Variants in PARD3 observed in about 807,000 individuals in gnomAD.
PARD3 encodes par-3 family cell polarity regulator, also known as partitioning defective 3 homolog.
Under a neutral mutation model 155.4 loss-of-function variants are expected in PARD3, and 75 were observed. That is an observed-to-expected ratio of 0.48 (90% CI 0.40 to 0.58). The LOEUF (loss-of-function observed/expected upper bound fraction) is 0.58. Ranked by LOEUF, PARD3 falls within the 20% of genes least tolerant of loss-of-function variation. The pLI is 0.00. For missense variants in PARD3, 1,642 were observed against 1,721.7 expected (o/e 0.95, Z 0.82); for synonymous variants, 576 against 610.5 (o/e 0.94, Z 0.83).
intron 22 of PARD3, among the ~76,000 whole-genome samples, chr10:34,186,595 C>T (rs1564465327): frequency 6.6e-6 from 1 of 152,118 alleles, no homozygotes; most frequent in Non-Finnish European, 1.5e-5. Flanking sequence ...CTCTGATGAG[C>T]CCAGAGTAAG....
At chr10:34,606,466 T>C (rs2090447328) in intron 2 of PARD3, among the ~76,000 whole-genome samples, 1 of 151,798 alleles carries the variant, frequency 6.6e-6, no homozygotes, top group East Asian at 1.9e-4. Flanking sequence ...TGGTTGGTTT[T>C]TTCTGGGACT....
chr10:34,531,116 G>C (rs1001865467), intron 2 of PARD3, among the ~76,000 whole-genome samples: 4 of 152,314 alleles, frequency 2.6e-5, no homozygotes, highest in Non-Finnish European at 5.9e-5. Context: ...GATGAGGGCA[G>C]TCCTGACTGC....
rs552100917 is a variant in PARD3, at chr10:34,543,857, A to G, written c.223-26698T>C. On this transcript the variant is annotated intron_variant, in intron 2 of 24. Transcript: ENST00000374788. ...AAGCTGAAATTTTATCAGAAGGCCA[A>G]TTAATAGTCAATGTAATAGCTTTGT... is the stretch of plus-strand genomic sequence containing the variant. Among the ~76,000 whole-genome samples, 108 of 152,318 alleles carry G rather than the reference A, an allele frequency of 7.1e-4. 5 individuals carry two copies. The South Asian group carries it at 0.022, about 32-fold the overall frequency.
intron 20 of PARD3, among the ~76,000 whole-genome samples, chr10:34,306,831 T>A (rs945638841): frequency 1.3e-5 from 2 of 152,176 alleles, no homozygotes; most frequent in East Asian, 1.9e-4. Flanking sequence ...TTGTCATAAA[T>A]TGCAAAATTA....
At chr10:34,701,885 G>T (rs1051251871) in intron 1 of PARD3, among the ~76,000 whole-genome samples, 3 of 152,102 alleles carry the variant, frequency 2.0e-5, no homozygotes, top group Admixed American at 6.5e-5. Flanking sequence ...AATTTTGGCT[G>T]GGTGTGGTGG....
chr10:34,222,640 G>A (rs369214470), intron 22 of PARD3, among the ~76,000 whole-genome samples: 7 of 152,300 alleles, frequency 4.6e-5, no homozygotes, highest in South Asian at 2.1e-4. Context: ...GTCTGTGAGC[G>A]TCCCCAAGGT....
chr10:34,765,148 C>T (rs936073443), intron 1 of PARD3, among the ~76,000 whole-genome samples: 12 of 152,122 alleles, frequency 7.9e-5, no homozygotes, highest in Non-Finnish European at 1.5e-4. Context: ...TCAAATTCAA[C>T]GCACTGATTT....
chr10:34,320,266 A>G (rs1958293823), intron 19 of PARD3, among the ~76,000 whole-genome samples: 1 of 152,220 alleles, frequency 6.6e-6, no homozygotes, highest in African/African-American at 2.4e-5. Context: ...CCACAATCTG[A>G]CTACAGTAAC....
intron 22 of PARD3, among the ~76,000 whole-genome samples, chr10:34,145,635 G>A (rs1037408430): frequency 6.6e-6 from 1 of 151,816 alleles, no homozygotes; most frequent in Non-Finnish European, 1.5e-5. Context: ...CCTTTCAATA[G>A]CCTCCTGTTC....
At chr10:34,167,043 G>A (rs1452088322) in intron 22 of PARD3, among the ~76,000 whole-genome samples, 1 of 152,176 alleles carries the variant, frequency 6.6e-6, no homozygotes, top group Non-Finnish European at 1.5e-5. Context: ...TAAACCTGCT[G>A]TACCACTAAA....
At chr10:34,518,864 AG>A (rs1187364486) in intron 2 of PARD3, among the ~76,000 whole-genome samples, 49 of 152,336 alleles carry the variant, frequency 3.2e-4, no homozygotes, top group Non-Finnish European at 1.3e-4. Flanking sequence ...TTGACTAAAA[AG>A]CAAAACAGTA....
intron 22 of PARD3, among the ~76,000 whole-genome samples, chr10:34,243,845 G>C (rs1327872235): frequency 6.6e-6 from 1 of 152,098 alleles, no homozygotes. Flanking sequence ...CATCAAATTT[G>C]ACCTGCGCCA....
At chr10:34,114,817 G>A (rs1946577125) in intron 24 of PARD3, among the ~76,000 whole-genome samples, 1 of 152,216 alleles carries the variant, frequency 6.6e-6, no homozygotes, top group Non-Finnish European at 1.5e-5. Context: ...TGTCCTGTGA[G>A]CCCTTGGCTA....
At chr10:34,725,212 G>GC (rs1366534496) in intron 1 of PARD3, among the ~76,000 whole-genome samples, 4 of 151,752 alleles carry the variant, frequency 2.6e-5, no homozygotes, top group Non-Finnish European at 4.4e-5. Flanking sequence ...GAGTGCAGTG[G>GC]CGTGATCTCA....
At chr10:34,227,852 TTTTTTATATATATATATATA>T (rs71033305) in intron 22 of PARD3, among the ~76,000 whole-genome samples, 4,132 of 31,392 alleles carry the variant, frequency 0.13, 213 homozygotes, top group Non-Finnish European at 0.18. Flanking sequence ...ATGGGAATTA[TTTTTTATATATATATATATA>T]TATATATATA....
chr10:34,491,107 T>C (rs75053669), intron 3 of PARD3, among the ~76,000 whole-genome samples: 1,771 of 152,294 alleles, frequency 0.012, 11 homozygotes, highest in Non-Finnish European at 0.017. Flanking sequence ...CCCCAGACGA[T>C]GGAGTCACTA....
At chr10:34,611,091 T>C (rs1378600382) in intron 2 of PARD3, among the ~76,000 whole-genome samples, 1 of 152,208 alleles carries the variant, frequency 6.6e-6, no homozygotes, top group Non-Finnish European at 1.5e-5. Context: ...ATGTTAACGA[T>C]GCATTCCAAA....
chr10:34,176,668 C>T (rs1341125573), intron 22 of PARD3, among the ~76,000 whole-genome samples: 1 of 152,132 alleles, frequency 6.6e-6, no homozygotes. Context: ...TAGAAAGAGG[C>T]CTGGACTTCT....
intron 22 of PARD3, among the ~76,000 whole-genome samples, chr10:34,145,229 T>TTTTA (rs1948446944): frequency 8.5e-6 from 1 of 117,236 alleles, no homozygotes; most frequent in South Asian, 2.5e-4. Context: ...ATATTTTTTT[T>TTTTA]TTTTTTTTTT....
Sources: gnomAD v4.1 joint callset for allele counts (sites outside exome capture counted in the v4.1 genomes callset) on GRCh38, gnomAD v4.1.1 for gene constraint, MANE v1.5 for transcripts, NCBI Gene and HGNC (gene_info 2026-07-23, HGNC 2026-07-21) for gene names.